The following IGSF10 variants were observed in gnomAD, a reference collection of about 807,000 sequenced individuals.
IGSF10 encodes the protein calvaria mechanical force protein 608.
Under a neutral mutation model 128.2 loss-of-function variants are expected in IGSF10, and 126 were observed. That is an observed-to-expected ratio of 0.98 (90% confidence interval 0.85 to 1.14). The LOEUF is 1.14. IGSF10 is among the 50% of genes most tolerant of loss of function. IGSF10 has a pLI of 0.00. For missense variants in IGSF10, 3,295 were observed against 3,149.8 expected (o/e 1.05, Z -1.10); for synonymous variants, 1,185 against 1,146.2 (o/e 1.03, Z -0.68).
At chr3:151,522,068 C>T in the IGSF10 span, among the ~76,000 whole-genome samples, 1 of 152,024 alleles carries the variant, frequency 6.6e-6, no homozygotes, top group Admixed American at 6.6e-5. Context: ...CTTCTATGAA[C>T]ACCTTTATGA....
chr3:151,615,303 A>G, the IGSF10 span, among the ~76,000 whole-genome samples: 1 of 152,064 alleles, frequency 6.6e-6, no homozygotes, highest in South Asian at 2.1e-4. Context: ...TGTCTATATC[A>G]CTATTTTTAA....
downstream of IGSF10, chr3:151,434,897 TTTTC>T (rs1719926572): frequency 6.6e-6 from 1 of 152,186 alleles, no homozygotes. Context: ...GGCATATCTT[TTTTC>T]TTTTTTTAGG....
At position 151,453,625 on chromosome 3, in the gene IGSF10, C is replaced by G. The variant is rs1721624641; in HGVS notation, c.474G>C (p.Val158=). Residue 158 remains valine, a synonymous_variant, in exon 5 of 8, where the codon GTG becomes GTC. Transcript: ENST00000282466. ...TAGTGAGCTGATTTCCTTCCAAGTG[C>G]ACCAGGCGGAGAAAGTTGAGCCCAT... ...VFYGLNFLRL[V]HLEGNQLTKL... The G allele has an allele frequency of 1.2e-6, 2 of 1,614,016 alleles. No homozygotes were observed. Among genetic ancestry groups the G allele is most frequent in the Non-Finnish European group, 1.7e-6 (2 of 1,179,942 alleles).
the IGSF10 span, among the ~76,000 whole-genome samples, chr3:151,584,612 G>A: frequency 1.6e-4 from 24 of 152,328 alleles, no homozygotes; most frequent in African/African-American, 5.3e-4. Flanking sequence ...AGAAGAAAGC[G>A]AAGGAAGCAG....
At chr3:151,466,146 T>G in the IGSF10 span, among the ~76,000 whole-genome samples, 1 of 152,238 alleles carries the variant, frequency 6.6e-6, no homozygotes, top group Non-Finnish European at 1.5e-5. Context: ...AATTAAACTT[T>G]GTCAAATTTA....
the IGSF10 span, among the ~76,000 whole-genome samples, chr3:151,515,116 G>T: frequency 6.6e-6 from 1 of 152,024 alleles, no homozygotes; most frequent in African/African-American, 2.4e-5. Context: ...TCCCATTACT[G>T]GATATATACC....
chr3:151,508,733 G>A, the IGSF10 span, among the ~76,000 whole-genome samples: 1 of 152,092 alleles, frequency 6.6e-6, no homozygotes, highest in African/African-American at 2.4e-5. Flanking sequence ...GAGGGCCCAT[G>A]GAGCATCCAA....
the IGSF10 span, among the ~76,000 whole-genome samples, chr3:151,489,735 A>T: frequency 2.9e-3 from 437 of 152,036 alleles, 2 homozygotes; most frequent in African/African-American, 0.01. Context: ...AAAACCAAAC[A>T]CCACATGTTC....
chr3:151,511,640 T>C, the IGSF10 span, among the ~76,000 whole-genome samples: 1 of 152,160 alleles, frequency 6.6e-6, no homozygotes, highest in South Asian at 2.1e-4. Context: ...GTAAATGGGC[T>C]AAATGCTCCA....
chr3:151,494,994 C>A, the IGSF10 span, among the ~76,000 whole-genome samples: 5 of 152,118 alleles, frequency 3.3e-5, no homozygotes, highest in East Asian at 9.6e-4. Flanking sequence ...AAATTGAGAG[C>A]CCAGACAGTA....
At chr3:151,451,093 G>A (rs572353989) in intron 5 of IGSF10, among the ~76,000 whole-genome samples, 1 of 152,094 alleles carries the variant, frequency 6.6e-6, no homozygotes, top group East Asian at 1.9e-4. Context: ...AGCAGGCCTT[G>A]GACATCAGGT....
At chr3:151,523,649 C>A in the IGSF10 span, among the ~76,000 whole-genome samples, 3 of 152,080 alleles carry the variant, frequency 2.0e-5, no homozygotes, top group Non-Finnish European at 4.4e-5. Context: ...TTCCTTACAC[C>A]ATATACAAAA....
chr3:151,457,276 C>T (rs1721841400), intron 3 of IGSF10, 121 bp from the exon 4 acceptor site: 1 of 903,742 alleles, frequency 1.1e-6, no homozygotes, highest in Non-Finnish European at 1.6e-6. Flanking sequence ...TCTATTGAGA[C>T]AATCAAATGC....
At chr3:151,602,325 C>T in the IGSF10 span, among the ~76,000 whole-genome samples, 7 of 152,204 alleles carry the variant, frequency 4.6e-5, no homozygotes, top group Non-Finnish European at 1.0e-4. Flanking sequence ...TTCATGCTCA[C>T]GCAAAATTTG....
chr3:151,492,541 C>T, the IGSF10 span, among the ~76,000 whole-genome samples: 5 of 152,024 alleles, frequency 3.3e-5, no homozygotes, highest in Admixed American at 2.0e-4. Flanking sequence ...TTGAGACCGG[C>T]CTGACACCTC....
rs1721610769 is a variant in IGSF10, at chr3:151,453,417, T to C, written c.682A>G (p.Lys228Glu). 1 of 1,607,114 alleles carries C rather than the reference T, an allele frequency of 6.2e-7. No individual in the cohort carries two copies. Among genetic ancestry groups the C allele is most frequent in the African/African-American group, 1.3e-5 (1 of 74,404 alleles). The stretch of plus-strand genomic sequence containing the variant: ...TCCTGTATCCAGTCAGACAACCACT[T>C]TAAATGGCAATCACAGGTCCATGGG... ...GNPWTCDCHL[K>E]WLSDWIQEKP... The change falls in exon 5 of 8, where the codon AAG becomes GAG. Residue 228 changes from lysine (K) to glutamate (E), a missense_variant. Coordinates refer to ENST00000282466, the MANE Select transcript of IGSF10 (RefSeq NM_178822.5).
the IGSF10 span, among the ~76,000 whole-genome samples, chr3:151,611,624 T>C: frequency 6.6e-6 from 1 of 152,228 alleles, no homozygotes; most frequent in African/African-American, 2.4e-5. Flanking sequence ...AAAAGGATTT[T>C]TGTTAGCCAG....
At chr3:151,560,603 G>A in the IGSF10 span, among the ~76,000 whole-genome samples, 1 of 152,102 alleles carries the variant, frequency 6.6e-6, no homozygotes, top group South Asian at 2.1e-4. Flanking sequence ...CCAATGAAGT[G>A]TAAGTTATGA....
Position 151,437,007 on chromosome 3 carries a change from A to G in IGSF10, c.7554T>C (p.Thr2518=). ...AQNSVGHTLI[T]VPVMIVAYPP... is the part of the protein sequence containing the mutation. ...GGTAGGCTACAATCATTACTGGAAC[A>G]GTAATCAGTGTATGACCAACACTAT... The change falls in exon 8 of 8, where the codon ACT becomes ACC. Residue 2518 remains threonine (T), a synonymous_variant. Coordinates refer to ENST00000282466, the MANE Select transcript of IGSF10 (RefSeq NM_178822.5). 1 of 1,614,230 alleles carries G rather than the reference A, an allele frequency of 6.2e-7. No individual in the cohort carries two copies. Among genetic ancestry groups the G allele is most frequent in the Non-Finnish European group, 8.5e-7 (1 of 1,180,030 alleles).
Sources: gnomAD v4.1 joint callset for allele counts (sites outside exome capture counted in the v4.1 genomes callset) on GRCh38, gnomAD v4.1.1 for gene constraint, MANE v1.5 for transcripts, NCBI Gene and HGNC (gene_info 2026-07-23, HGNC 2026-07-21) for gene names.